TBC1D22A: variants seen among roughly 807,000 people sequenced by gnomAD.
TBC1D22A encodes putative GTPase activator.
TBC1D22A carries 38 observed loss-of-function variants against 60.2 expected under a neutral mutation model. The observed-to-expected ratio is 0.63, with a 90% CI of 0.49 to 0.83. The LOEUF is 0.83. TBC1D22A is among the 40% of genes least tolerant of loss of function. TBC1D22A has a pLI of 0.00. For missense variants in TBC1D22A, 628 were observed against 701.0 expected (o/e 0.90, Z 1.18); for synonymous variants, 302 against 281.7 (o/e 1.07, Z -0.72).
intron 9 of TBC1D22A, among the ~76,000 whole-genome samples, chr22:46,982,396 A>T (rs1460171273): frequency 2.0e-5 from 3 of 151,828 alleles, no homozygotes; most frequent in Admixed American, 6.6e-5. Context: ...GCTAATTTTT[A>T]TATTTTTAGT....
chr22:46,943,102 G>T (rs1266490657), intron 8 of TBC1D22A, among the ~76,000 whole-genome samples: 1 of 152,156 alleles, frequency 6.6e-6, no homozygotes, highest in Non-Finnish European at 1.5e-5. Flanking sequence ...CAGTGCAAAA[G>T]AATTATGAAG....
intron 4 of TBC1D22A, among the ~76,000 whole-genome samples, chr22:46,843,455 T>G (rs2086861998): frequency 7.0e-6 from 1 of 142,498 alleles, no homozygotes; most frequent in South Asian, 2.1e-4. Flanking sequence ...CTGTCCCAAA[T>G]ATGAATCATT....
chr22:46,863,325 G>C (rs1217216516), intron 4 of TBC1D22A, among the ~76,000 whole-genome samples: 1 of 152,202 alleles, frequency 6.6e-6, no homozygotes, highest in Non-Finnish European at 1.5e-5. Flanking sequence ...GGAGGAAAGC[G>C]GGAGGGGCAG....
At chr22:47,141,169 A>G (rs1427636915) in intron 12 of TBC1D22A, among the ~76,000 whole-genome samples, 1 of 152,058 alleles carries the variant, frequency 6.6e-6, no homozygotes, top group Non-Finnish European at 1.5e-5. Flanking sequence ...AAACCATCAG[A>G]TCTCGTGAGA....
chr22:46,805,975 C>T (rs1219716025), intron 4 of TBC1D22A, among the ~76,000 whole-genome samples: 1 of 151,212 alleles, frequency 6.6e-6, no homozygotes, highest in Non-Finnish European at 1.5e-5. Flanking sequence ...GCCTCAACCT[C>T]CTGAGTAGCT....
At chr22:47,023,970 C>A (rs2062171001) in intron 10 of TBC1D22A, among the ~76,000 whole-genome samples, 1 of 152,208 alleles carries the variant, frequency 6.6e-6, no homozygotes, top group Non-Finnish European at 1.5e-5. Flanking sequence ...GAAATATCTT[C>A]AAAAACAACC....
intron 8 of TBC1D22A, among the ~76,000 whole-genome samples, chr22:46,920,830 G>A (rs560357809): frequency 4.0e-5 from 6 of 150,440 alleles, no homozygotes; most frequent in African/African-American, 9.8e-5. Context: ...GAGTGCAGTC[G>A]TGCGATATCG....
chr22:46,810,832 C>T (rs2085348460), intron 4 of TBC1D22A, among the ~76,000 whole-genome samples: 1 of 152,176 alleles, frequency 6.6e-6, no homozygotes, highest in South Asian at 2.1e-4. Context: ...CATGGTGATA[C>T]ACTCTTCCAT....
At chr22:46,986,115 T>A (rs2074713729) in intron 9 of TBC1D22A, among the ~76,000 whole-genome samples, 1 of 152,244 alleles carries the variant, frequency 6.6e-6, no homozygotes, top group Admixed American at 6.5e-5. Flanking sequence ...AGGCTTCATT[T>A]TTTCCTCTAC....
chr22:47,006,662 T>TCCC (rs1168812560), intron 10 of TBC1D22A, among the ~76,000 whole-genome samples: 2 of 152,072 alleles, frequency 1.3e-5, no homozygotes, highest in Non-Finnish European at 2.9e-5. Flanking sequence ...TTGCGTTTTC[T>TCCC]CCCCCCGCTC....
intron 5 of TBC1D22A, among the ~76,000 whole-genome samples, chr22:46,883,096 TTAAA>T (rs2067931223): frequency 1.3e-5 from 2 of 152,270 alleles, no homozygotes; most frequent in African/African-American, 4.8e-5. Flanking sequence ...TGGCTCTTTT[TTAAA>T]TAAGTATTTC....
At chr22:47,043,181 G>A (rs1361924894) in intron 11 of TBC1D22A, among the ~76,000 whole-genome samples, 2 of 152,330 alleles carry the variant, frequency 1.3e-5, no homozygotes, top group East Asian at 3.9e-4. Flanking sequence ...GTGGTGGGAG[G>A]CCACAAGAGC....
At chr22:47,112,920 C>T (rs943299742) in intron 12 of TBC1D22A, among the ~76,000 whole-genome samples, 1 of 152,198 alleles carries the variant, frequency 6.6e-6, no homozygotes, top group South Asian at 2.1e-4. Context: ...CTGGCCCACT[C>T]GTCACTTTGC....
intron 10 of TBC1D22A, among the ~76,000 whole-genome samples, chr22:47,026,116 A>G (rs555883590): frequency 2.6e-5 from 4 of 152,352 alleles, no homozygotes; most frequent in African/African-American, 7.2e-5. Flanking sequence ...ATTTAAAAAG[A>G]AGAACAAACC....
intron 12 of TBC1D22A, among the ~76,000 whole-genome samples, chr22:47,140,244 C>T (rs941515134): frequency 6.0e-5 from 9 of 150,518 alleles, no homozygotes; most frequent in African/African-American, 1.2e-4. Context: ...CAGGCTGCTC[C>T]GCTTATTTTA....
chr22:46,874,250 C>T (rs540262176), intron 4 of TBC1D22A, among the ~76,000 whole-genome samples: 49 of 152,044 alleles, frequency 3.2e-4, no homozygotes, highest in African/African-American at 5.3e-4. Flanking sequence ...AACATAGGTG[C>T]GCATGTGTCT....
Position 46,777,318 on chromosome 22 carries a change from G to GAGC in TBC1D22A, c.62+14472_62+14474dup, listed in dbSNP as rs372470858. ...CGAGGGAGAGGTACGAGGCAGGGATGAGCACATTGTCTATTTTTGTGTGAC... is the reference window on the plus strand; with the variant it reads ...CGAGGGAGAGGTACGAGGCAGGGATGAGCAGCACATTGTCTATTTTTGTGTGAC... On this transcript the variant is annotated intron_variant, in intron 1 of 12. Transcript: ENST00000337137. This position sits in a 1 kb window ranked among gnomAD's most constrained non-coding sequence, Gnocchi z 4.5. 6.6e-6 allele frequency among the ~76,000 whole-genome samples: 1 copy of GAGC among 152,320 alleles called. No homozygotes were observed. The highest frequency in any genetic ancestry group is 1.5e-5 in the Non-Finnish European group (1 of 68,014).
chr22:46,779,638 G>A (rs1401378351), intron 1 of TBC1D22A, among the ~76,000 whole-genome samples: 2 of 152,098 alleles, frequency 1.3e-5, no homozygotes, highest in Non-Finnish European at 2.9e-5. Context: ...GTTATGTGCG[G>A]GAAAAAATCA....
intron 8 of TBC1D22A, among the ~76,000 whole-genome samples, chr22:46,969,549 C>T (rs1002000182): frequency 2.6e-5 from 4 of 152,202 alleles, no homozygotes; most frequent in East Asian, 1.9e-4. Flanking sequence ...AGAAGGCAAG[C>T]GAGATGGTTT....
Sources: gnomAD v4.1 joint callset for allele counts (sites outside exome capture counted in the v4.1 genomes callset) on GRCh38, gnomAD v4.1.1 for gene constraint, Gnocchi (gnomAD v3.1) non-coding constraint, MANE v1.5 for transcripts, NCBI Gene and HGNC (gene_info 2026-07-23, HGNC 2026-07-21) for gene names.